The following VSTM4 variants were observed in gnomAD, a reference collection of about 807,000 sequenced individuals.
VSTM4 encodes V-set and transmembrane domain containing 4, also known as V-set and transmembrane domain-containing protein 4.
In VSTM4, 20 loss-of-function variants were observed where a neutral mutation model predicts 36.4. The observed-to-expected ratio is 0.55, with a 90% CI of 0.39 to 0.80. The LOEUF is 0.80. VSTM4 is among the 30% of genes least tolerant of loss of function. The pLI is 0.00. For synonymous variants in VSTM4, 182 were observed against 173.9 expected, an observed-to-expected ratio of 1.05 and a Z score of -0.37; for missense variants, 392 against 404.5, an observed-to-expected ratio of 0.97 and a Z score of 0.26.
chr10:49,101,601 T>C (rs1043783311), intron 2 of VSTM4, among the ~76,000 whole-genome samples: 3 of 152,210 alleles, frequency 2.0e-5, no homozygotes, highest in Non-Finnish European at 2.9e-5. Context: ...TTAATAATAT[T>C]GATTGTTAAA....
At chr10:49,019,814 G>T in intron 7 of VSTM4, 39 bp from the exon 8 acceptor site, 2 of 1,593,430 alleles carry the variant, frequency 1.3e-6, no homozygotes, top group South Asian at 2.3e-5. Flanking sequence ...AATTCTAGCT[G>T]ACCACAGGAG....
intron 7 of VSTM4, among the ~76,000 whole-genome samples, chr10:49,028,521 C>A (rs1406057231): frequency 6.6e-6 from 1 of 152,170 alleles, no homozygotes; most frequent in Non-Finnish European, 1.5e-5. Context: ...GAAAAGTCAA[C>A]CTCAAGGAAT....
At chr10:49,060,652 A>G in intron 5 of VSTM4, among the ~76,000 whole-genome samples, 1 of 151,924 alleles carries the variant, frequency 6.6e-6, no homozygotes, top group East Asian at 1.9e-4. Context: ...TTATCTTTTC[A>G]TTTTCTTAAT....
intron 5 of VSTM4, chr10:49,064,440 T>G (rs1011409939): frequency 1.2e-5 from 6 of 482,216 alleles, no homozygotes; most frequent in Non-Finnish European, 2.2e-5. Flanking sequence ...GGAGCAGCTC[T>G]GCAGGACCAT....
intron 2 of VSTM4, chr10:49,102,145 T>G (rs1478277935): frequency 7.8e-6 from 1 of 128,858 alleles, no homozygotes; most frequent in Non-Finnish European, 1.6e-5. Flanking sequence ...ATTGTTTGAC[T>G]CTTTTTTGTT....
intron 7 of VSTM4, among the ~76,000 whole-genome samples, chr10:49,041,432 A>G (rs1843519809): frequency 6.6e-6 from 1 of 152,218 alleles, no homozygotes; most frequent in Non-Finnish European, 1.5e-5. Flanking sequence ...TCTGAAATGC[A>G]TATAGCTGCC....
chr10:49,105,414 G>A (rs1181684201), intron 2 of VSTM4, among the ~76,000 whole-genome samples: 2 of 151,656 alleles, frequency 1.3e-5, no homozygotes, highest in Non-Finnish European at 2.9e-5. Context: ...GAGGCAGAGA[G>A]AGAAAGAGTG....
chr10:49,107,558 AC>A, intron 2 of VSTM4, 35 bp downstream of exon 2: 1 of 1,564,526 alleles, frequency 6.4e-7, no homozygotes, highest in Non-Finnish European at 8.7e-7. Flanking sequence ...GGCCTGCCCC[AC>A]CACCACCTCT....
In VSTM4 at chr10:49,018,336, A is replaced by G. The variant is rs1035166030; in HGVS notation, c.*1314T>C. 1 of 152,198 alleles carries G rather than the reference A, an allele frequency of 6.6e-6. No homozygotes were observed. The allele number at this position is 152,198 out of a possible 1,614,324, so 9.4% of individuals were successfully genotyped here. On this transcript the variant is annotated 3_prime_UTR_variant, in exon 8 of 8. Coordinates refer to ENST00000332853, the MANE Select transcript of VSTM4 (RefSeq NM_001031746.5). ...ATCCCATTTTACCCTCAAGAATTCT[A>G]TGGGAAGTTAAGTCGTCTTTACACA...
rs1564560330 is a variant in VSTM4 at position 49,016,177 on chromosome 10, A to G, written c.*3473T>C. On this transcript the variant is annotated 3_prime_UTR_variant, in exon 8 of 8. Coordinates refer to ENST00000332853, the MANE Select transcript of VSTM4 (RefSeq NM_001031746.5). Reference sequence around the variant, plus strand: ...CTGTTCTGGGAAGCAACTTTGATGCATACTGTATTCATATTCTTTATGCAA... The same window carrying G: ...CTGTTCTGGGAAGCAACTTTGATGCGTACTGTATTCATATTCTTTATGCAA... 6.6e-6 allele frequency: 1 copy of G among 152,302 alleles called. No individual in the cohort carries two copies. The highest frequency in any genetic ancestry group is 2.1e-4 in the South Asian group (1 of 4,820). 9.4% of individuals were successfully genotyped at this position (152,302 alleles called of 1,614,324 possible).
chr10:49,023,735 C>T (rs957497654), intron 7 of VSTM4, among the ~76,000 whole-genome samples: 2 of 152,182 alleles, frequency 1.3e-5, no homozygotes, highest in East Asian at 1.9e-4. Context: ...TCCTGATAGA[C>T]GCTGGCTTCA....
At chr10:49,020,952 T>C (rs1283405794) in intron 7 of VSTM4, among the ~76,000 whole-genome samples, 2 of 152,132 alleles carry the variant, frequency 1.3e-5, no homozygotes, top group African/African-American at 4.8e-5. Flanking sequence ...ATATAATTCA[T>C]AATAGTAATA....
At chr10:49,095,303 G>A (rs1302546359) in intron 2 of VSTM4, among the ~76,000 whole-genome samples, 1 of 152,002 alleles carries the variant, frequency 6.6e-6, no homozygotes, top group East Asian at 1.9e-4. Context: ...TCTCTGCCAT[G>A]TCTCCAGAGA....
intron 5 of VSTM4, chr10:49,064,447 C>A: frequency 2.0e-6 from 1 of 493,962 alleles, no homozygotes; most frequent in South Asian, 2.2e-5. Flanking sequence ...CTCTGCAGGA[C>A]CATACACCAA....
At chr10:49,046,179 T>C (rs1378984111) in intron 7 of VSTM4, among the ~76,000 whole-genome samples, 1 of 152,164 alleles carries the variant, frequency 6.6e-6, no homozygotes, top group South Asian at 2.1e-4. Context: ...AATTACCCAG[T>C]CTTGGGTAGT....
At chr10:49,108,451 G>A (rs1488750820) in intron 1 of VSTM4, among the ~76,000 whole-genome samples, 1 of 152,144 alleles carries the variant, frequency 6.6e-6, no homozygotes, top group Non-Finnish European at 1.5e-5. Flanking sequence ...CAGCTGTGCT[G>A]TGGGTGGGGA....
In VSTM4 at chr10:49,093,776, C is replaced by A. The variant is rs577072786; in HGVS notation, c.458-7753G>T. ...TTTTTTTTTTTTTTTGAGATGGAGT[C>A]TTGCTTCGTCGCCCAGGCTGGAGTG... On this transcript the variant is annotated intron_variant, in intron 2 of 7. Coordinates refer to ENST00000332853, the MANE Select transcript of VSTM4 (RefSeq NM_001031746.5). 8.1e-5 allele frequency among the ~76,000 whole-genome samples: 9 copies of A among 110,648 alleles called. No individual in the cohort carries two copies. In the South Asian group the frequency reaches 2.6e-3, roughly 32 times the overall value. The allele number at this position is 110,648 out of a possible 152,430, so 72.6% of individuals were successfully genotyped here. A position where few individuals can be genotyped will look rare whatever the true frequency, so the allele number is the denominator to read the frequency against.
At chr10:49,107,076 C>T (rs1453473829) in intron 2 of VSTM4, among the ~76,000 whole-genome samples, 2 of 152,238 alleles carry the variant, frequency 1.3e-5, no homozygotes, top group African/African-American at 2.4e-5. Flanking sequence ...AAACCTCTCC[C>T]TACTGCTTTT....
At position 49,064,711 on chromosome 10, in the gene VSTM4, A is replaced by G. The variant is rs372970001; in HGVS notation, c.660T>C (p.Pro220=). 15 of 1,612,760 alleles carry G rather than the reference A, an allele frequency of 9.3e-6. No individual in the cohort carries two copies. Among genetic ancestry groups the G allele is most frequent in the Non-Finnish European group, 1.3e-5 (15 of 1,179,682 alleles). The change falls in exon 5 of 8, where the codon CCT becomes CCC. Residue 220 remains proline, a synonymous_variant. Transcript: ENST00000332853. ...GAAGAAAATATTCTTACCTGTTCTG[A>G]GGGCATTTCACCAAATAATGTCTCA... ...SRVRHYLVKC[P]QNSSGETVTS...
Sources: gnomAD v4.1 joint callset for allele counts (sites outside exome capture counted in the v4.1 genomes callset) on GRCh38, gnomAD v4.1.1 for gene constraint, MANE v1.5 for transcripts, NCBI Gene and HGNC (gene_info 2026-07-23, HGNC 2026-07-21) for gene names.